Variants in PLCB4 observed in about 807,000 individuals in gnomAD.
PLCB4 encodes the protein 1-phosphatidylinositol 4,5-bisphosphate phosphodiesterase beta-4.
Under a neutral mutation model 178.8 loss-of-function variants are expected in PLCB4, and 77 were observed. That is an observed-to-expected ratio of 0.43 (90% confidence interval 0.36 to 0.52). PLCB4 has a LOEUF of 0.52. Ranked by LOEUF, PLCB4 falls within the 20% of genes least tolerant of loss-of-function variation. The probability of loss-of-function intolerance (pLI) is 0.00; values close to 1 mark genes in which losing one functional copy is unlikely to be tolerated. For synonymous variants in PLCB4, 496 were observed against 490.8 expected (o/e 1.01, Z -0.14); for missense variants, 1,024 against 1,453.4 (o/e 0.70, Z 4.80).
At chr20:9,219,036 T>A (rs1218276600) in intron 3 of PLCB4, among the ~76,000 whole-genome samples, 1 of 152,218 alleles carries the variant, frequency 6.6e-6, no homozygotes, top group East Asian at 1.9e-4. Flanking sequence ...TATGACGAGT[T>A]ATGTGCTTAT....
intron 19 of PLCB4, among the ~76,000 whole-genome samples, chr20:9,401,139 T>C (rs1022783954): frequency 6.6e-6 from 1 of 152,222 alleles, no homozygotes; most frequent in South Asian, 2.1e-4. Flanking sequence ...CAAAACACCT[T>C]TTTATGAGTT....
At chr20:9,422,805 G>T (rs1181518326) in intron 27 of PLCB4, among the ~76,000 whole-genome samples, 3 of 152,098 alleles carry the variant, frequency 2.0e-5, no homozygotes, top group Non-Finnish European at 4.4e-5. Context: ...TCTATTCACT[G>T]CATAAGGAGC....
intron 3 of PLCB4, among the ~76,000 whole-genome samples, chr20:9,299,125 A>G (rs542974657): frequency 1.3e-5 from 2 of 152,160 alleles, no homozygotes; most frequent in South Asian, 4.1e-4. Context: ...CCCATTGTAC[A>G]GGGAAGGTTT....
intron 19 of PLCB4, among the ~76,000 whole-genome samples, chr20:9,400,088 C>A (rs543267287): frequency 2.0e-5 from 3 of 152,236 alleles, no homozygotes; most frequent in African/African-American, 7.2e-5. Flanking sequence ...CTTACAATTA[C>A]CCACTTGTTG....
chr20:9,167,672 A>AT (rs556843493), intron 2 of PLCB4, among the ~76,000 whole-genome samples: 48 of 152,312 alleles, frequency 3.2e-4, no homozygotes, highest in Middle Eastern at 3.4e-3. Context: ...TCTAAAACCC[A>AT]TTTTTTCATA....
At chr20:9,404,842 T>C (rs1304085005) in intron 20 of PLCB4, among the ~76,000 whole-genome samples, 3 of 152,148 alleles carry the variant, frequency 2.0e-5, no homozygotes, top group African/African-American at 7.2e-5. Flanking sequence ...AGGCAAGCTC[T>C]CTCTTGGCTT....
rs34878512 is a variant in PLCB4, at chr20:9,144,211, C to G, written c.-79+47869C>G. Reference sequence around the variant, plus strand: ...TGAAGGACAGAACTGCTTGGAGAAGCTGGGCTGTACCACATCTTTAAGGTT... The same window carrying G: ...TGAAGGACAGAACTGCTTGGAGAAGGTGGGCTGTACCACATCTTTAAGGTT... On this transcript the variant is annotated intron_variant, in intron 2 of 39. Coordinates refer to ENST00000378473, the MANE Select transcript of PLCB4 (RefSeq NM_001377142.1). Among the ~76,000 whole-genome samples, 3 of 152,068 alleles carry G rather than the reference C, an allele frequency of 2.0e-5. 1 individual carries two copies. The highest frequency in any genetic ancestry group is 4.1e-4 in the South Asian group (2 of 4,836).
intron 3 of PLCB4, among the ~76,000 whole-genome samples, chr20:9,255,967 T>G (rs2094230746): frequency 6.6e-6 from 1 of 152,270 alleles, no homozygotes; most frequent in Admixed American, 6.5e-5. Flanking sequence ...ATTACCTTTC[T>G]GAATTCTGAA....
intron 7 of PLCB4, among the ~76,000 whole-genome samples, chr20:9,346,849 C>G (rs2033848475): frequency 6.6e-6 from 1 of 152,202 alleles, no homozygotes; most frequent in Admixed American, 6.5e-5. Flanking sequence ...CCACCAGTCT[C>G]TGCCTTACAT....
intron 2 of PLCB4, among the ~76,000 whole-genome samples, chr20:9,196,673 T>G (rs1280154044): frequency 6.6e-6 from 1 of 152,208 alleles, no homozygotes; most frequent in Non-Finnish European, 1.5e-5. Flanking sequence ...ACTACTCATG[T>G]GATCCTTGAG....
Position 9,299,989 on chromosome 20 carries a change from G to T in PLCB4, c.-15-7811G>T, listed in dbSNP as rs1350284648. 2.6e-5 allele frequency among the ~76,000 whole-genome samples: 4 copies of T among 151,978 alleles called. No homozygotes were observed. In the East Asian group the frequency reaches 7.7e-4, roughly 29 times the overall value. On this transcript the variant is annotated intron_variant, in intron 3 of 39. Transcript: ENST00000378473. Reference sequence around the variant, plus strand: ...ATTTAATGGCTTAATAAAAATGGAGGTATTTTTGCAAATGGGGAAGTTATC... The same window carrying T: ...ATTTAATGGCTTAATAAAAATGGAGTTATTTTTGCAAATGGGGAAGTTATC...
intron 20 of PLCB4, 93 bp downstream of exon 20, chr20:9,401,683 C>T (rs2039040053): frequency 1.3e-6 from 1 of 778,344 alleles, no homozygotes; most frequent in South Asian, 1.5e-5. Context: ...AATAAAGTAA[C>T]CTATAATTCC....
At chr20:9,379,080 ATTGAGGT>A (rs1291176890) in intron 12 of PLCB4, among the ~76,000 whole-genome samples, 17 of 152,224 alleles carry the variant, frequency 1.1e-4, no homozygotes, top group Admixed American at 9.8e-4. Flanking sequence ...CCAAACTTCC[ATTGAGGT>A]TTGCTTTATT....
intron 1 of PLCB4, among the ~76,000 whole-genome samples, chr20:9,080,276 G>A (rs555719428): frequency 2.0e-5 from 3 of 152,192 alleles, no homozygotes; most frequent in African/African-American, 7.2e-5. Context: ...TCTTTGGTTT[G>A]TGTACTTGTC....
chr20:9,185,277 C>G (rs12480653), intron 2 of PLCB4, among the ~76,000 whole-genome samples: 1 of 152,140 alleles, frequency 6.6e-6, no homozygotes, highest in Non-Finnish European at 1.5e-5. Context: ...AAATAGAAAC[C>G]TAGTGTTTGA....
intron 19 of PLCB4, among the ~76,000 whole-genome samples, chr20:9,396,898 T>C (rs542994093): frequency 1.0e-3 from 155 of 152,360 alleles, no homozygotes; most frequent in African/African-American, 3.6e-3. Flanking sequence ...GAAATCTTTT[T>C]GTGGAGGGTC....
At position 9,476,845 on chromosome 20, in the gene PLCB4, G is replaced by T; in HGVS notation, c.3532+92G>T. ...AGTCTCCATTTATGAGTCACATCTG[G>T]TCATAACTAATATCTGAAGGGTTTG... On this transcript the variant is annotated intron_variant, in intron 39 of 39. Coordinates refer to ENST00000378473, the MANE Select transcript of PLCB4 (RefSeq NM_001377142.1). 3 of 817,522 alleles carry T rather than the reference G, an allele frequency of 3.7e-6. No homozygotes were observed. In the South Asian group the frequency reaches 4.5e-5, roughly 12 times the overall value. The allele number at this position is 817,522 out of a possible 1,614,324, so 50.6% of individuals were successfully genotyped here. A position where few individuals can be genotyped will look rare whatever the true frequency, so the allele number is the denominator to read the frequency against.
intron 7 of PLCB4, 46 bp downstream of exon 7, chr20:9,339,083 A>G (rs777820247): frequency 3.4e-6 from 5 of 1,456,522 alleles, no homozygotes; most frequent in South Asian, 1.2e-5. Context: ...CCATGTATAT[A>G]TGTTGTGTGT....
chr20:9,256,645 G>A lies in PLCB4; in HGVS notation c.-16+39193G>A, dbSNP rs551298632. 3.3e-5 allele frequency among the ~76,000 whole-genome samples: 5 copies of A among 152,240 alleles called. No individual in the cohort carries two copies. In the East Asian group the frequency reaches 7.7e-4, roughly 24 times the overall value. ...TCTTGTTTGGTGGCTGTTATATTTC[G>A]TTACAGATACTTAACATCATATTGT... On this transcript the variant is annotated intron_variant, in intron 3 of 39. Transcript: ENST00000378473.
Sources: gnomAD v4.1 joint callset for allele counts (sites outside exome capture counted in the v4.1 genomes callset) on GRCh38, gnomAD v4.1.1 for gene constraint, MANE v1.5 for transcripts, NCBI Gene and HGNC (gene_info 2026-07-23, HGNC 2026-07-21) for gene names.